Variants in SLC24A4 observed in about 807,000 individuals in gnomAD.
SLC24A4 encodes solute carrier family 24 member 4.
Under a neutral mutation model 79.0 loss-of-function variants are expected in SLC24A4, and 53 were observed. That is an observed-to-expected ratio of 0.67 (90% CI 0.54 to 0.84). The LOEUF is 0.84. Ranked by LOEUF, SLC24A4 falls within the 40% of genes least tolerant of loss-of-function variation. SLC24A4 has a pLI of 0.00. For missense variants in SLC24A4, 731 were observed against 822.0 expected, an observed-to-expected ratio of 0.89 and a Z score of 1.35; for synonymous variants, 323 against 323.8, an observed-to-expected ratio of 1.00 and a Z score of 0.03.
chr14:92,473,885 A>G (rs1471468326), intron 12 of SLC24A4, among the ~76,000 whole-genome samples: 2 of 152,176 alleles, frequency 1.3e-5, no homozygotes, highest in Non-Finnish European at 2.9e-5. Flanking sequence ...CAGGAGCACA[A>G]ATGTGCCTGG....
chr14:92,397,941 C>T lies in SLC24A4; in HGVS notation c.242-35971C>T, dbSNP rs138082718. 7.6e-4 allele frequency among the ~76,000 whole-genome samples: 116 copies of T among 152,258 alleles called. 3 individuals carry two copies. The South Asian group carries it at 0.011, about 15-fold the overall frequency. Reference sequence around the variant, plus strand: ...AAATCAGTCCTGAATTACATGGGTCCGCAGGAGCCTAGCCTGACCCCTCCC... The same window carrying T: ...AAATCAGTCCTGAATTACATGGGTCTGCAGGAGCCTAGCCTGACCCCTCCC... On this transcript the variant is annotated intron_variant, in intron 2 of 16. Transcript: ENST00000532405.
intron 3 of SLC24A4, among the ~76,000 whole-genome samples, chr14:92,435,013 A>C (rs1380470633): frequency 6.6e-6 from 1 of 152,108 alleles, no homozygotes; most frequent in Non-Finnish European, 1.5e-5. Flanking sequence ...ACCTCAGGTG[A>C]TCCACCTGCC....
At chr14:92,483,960 GT>G (rs950985008) in intron 13 of SLC24A4, 1 of 985,258 alleles carries the variant, frequency 1.0e-6, no homozygotes, top group African/African-American at 1.7e-5. Context: ...AAACCGTGTC[GT>G]TTGGTGGGGA....
At chr14:92,327,477 G>T (rs981180501) in intron 2 of SLC24A4, among the ~76,000 whole-genome samples, 1 of 152,248 alleles carries the variant, frequency 6.6e-6, no homozygotes, top group Non-Finnish European at 1.5e-5. Context: ...GGCCAAGGAT[G>T]GTTAATGCTG....
chr14:92,328,323 G>T (rs1885267598), intron 2 of SLC24A4, among the ~76,000 whole-genome samples: 1 of 152,214 alleles, frequency 6.6e-6, no homozygotes, highest in Non-Finnish European at 1.5e-5. Context: ...TCATTGAGTA[G>T]CTTATACTAG....
rs529353643 is a variant in SLC24A4 at position 92,352,980 on chromosome 14, C to T, written c.241+27002C>T. 3.3e-5 allele frequency among the ~76,000 whole-genome samples: 5 copies of T among 152,230 alleles called. No individual in the cohort carries two copies. In the South Asian group the frequency reaches 6.2e-4, roughly 19 times the overall value. ...TGGAGAGTAACTGTGCAGTTCAGTACGGGGCATTTAAAAACTTAAAGTCTT... is the reference window on the plus strand; with the variant it reads ...TGGAGAGTAACTGTGCAGTTCAGTATGGGGCATTTAAAAACTTAAAGTCTT... On this transcript the variant is annotated intron_variant, in intron 2 of 16. Transcript: ENST00000532405.
chr14:92,376,336 C>G (rs929329699), intron 2 of SLC24A4, among the ~76,000 whole-genome samples: 1 of 152,218 alleles, frequency 6.6e-6, no homozygotes, highest in Non-Finnish European at 1.5e-5. Flanking sequence ...ACTCTAGTAG[C>G]CTCTTCTGCA....
In SLC24A4 at chr14:92,490,038, T is replaced by C. The variant is rs1595365200; in HGVS notation, c.1538-1627T>C. ...GCCTGGGGCAGGCTGGGAGGAGGAG[T>C]GTAAGGGGCCAACAGATGACAGCAA... On this transcript the variant is annotated intron_variant, in intron 14 of 16. Transcript: ENST00000532405. The surrounding 1 kb of genome is among the most constrained non-coding windows in gnomAD (Gnocchi z 4.3). Among the ~76,000 whole-genome samples the C allele has an allele frequency of 6.7e-6, 1 of 149,836 alleles. No individual in the cohort carries two copies. Among genetic ancestry groups the C allele is most frequent in the African/African-American group, 2.5e-5 (1 of 40,524 alleles).
chr14:92,329,209 C>T (rs1885326196), intron 2 of SLC24A4, among the ~76,000 whole-genome samples: 1 of 152,262 alleles, frequency 6.6e-6, no homozygotes, highest in African/African-American at 2.4e-5. Context: ...AGAGCTCCCT[C>T]CTGTGCTAAG....
chr14:92,487,774 G>A (rs1895451493), intron 14 of SLC24A4, among the ~76,000 whole-genome samples: 1 of 152,204 alleles, frequency 6.6e-6, no homozygotes, highest in African/African-American at 2.4e-5. Flanking sequence ...AGCTCTGGCA[G>A]CTAAAAGTCT....
intron 2 of SLC24A4, among the ~76,000 whole-genome samples, chr14:92,334,319 A>G (rs1415083562): frequency 2.0e-5 from 3 of 152,128 alleles, no homozygotes; most frequent in Non-Finnish European, 4.4e-5. Context: ...TCTTGGGGAA[A>G]CTGTCACCAA....
chr14:92,323,253 G>A lies in SLC24A4; in HGVS notation c.-578G>A, dbSNP rs1419209485. 1 of 152,128 alleles carries A rather than the reference G, an allele frequency of 6.6e-6. No homozygotes were observed. The highest frequency in any genetic ancestry group is 1.5e-5 in the Non-Finnish European group (1 of 68,016). The allele number at this position is 152,128 out of a possible 1,614,324, so 9.4% of individuals were successfully genotyped here. A position where few individuals can be genotyped will look rare whatever the true frequency, so the allele number is the denominator to read the frequency against. On this transcript the variant is annotated 5_prime_UTR_variant, in exon 1 of 17. Transcript: ENST00000532405. The surrounding 1 kb of genome is among the most constrained non-coding windows in gnomAD (Gnocchi z 4.9). The stretch of plus-strand genomic sequence containing the variant: ...AGGGCCGACGTCGAGCCTGCTCGCC[G>A]CGAGGGTCTCAGGTACCGCGCGTCC...
At chr14:92,365,936 G>T (rs1005337992) in intron 2 of SLC24A4, among the ~76,000 whole-genome samples, 2 of 152,204 alleles carry the variant, frequency 1.3e-5, no homozygotes, top group Non-Finnish European at 2.9e-5. Flanking sequence ...CGTGTACTAA[G>T]CATCTGCCAT....
At chr14:92,358,324 C>T (rs926551499) in intron 2 of SLC24A4, among the ~76,000 whole-genome samples, 1 of 152,124 alleles carries the variant, frequency 6.6e-6, no homozygotes, top group East Asian at 1.9e-4. Context: ...ATTACGTTGA[C>T]CCTGGGCAGT....
intron 2 of SLC24A4, among the ~76,000 whole-genome samples, chr14:92,413,461 T>C (rs1385715125): frequency 6.6e-6 from 1 of 152,228 alleles, no homozygotes; most frequent in South Asian, 2.1e-4. Context: ...TCATCTTTGC[T>C]GAGTTAGAAA....
At chr14:92,356,735 A>G (rs570303369) in intron 2 of SLC24A4, among the ~76,000 whole-genome samples, 5 of 152,294 alleles carry the variant, frequency 3.3e-5, no homozygotes, top group South Asian at 2.1e-4. Context: ...GTGGGCCCCT[A>G]TGGACACACA....
At position 92,442,696 on chromosome 14, in the gene SLC24A4, G is replaced by C; in HGVS notation, c.479-17G>C. The C allele has an allele frequency of 6.3e-7, 1 of 1,584,444 alleles. No individual in the cohort carries two copies. The highest frequency in any genetic ancestry group is 8.7e-7 in the Non-Finnish European group (1 of 1,153,188). On this transcript the variant is annotated splice_polypyrimidine_tract_variant and intron_variant, in intron 5 of 16. Transcript: ENST00000532405. ...GACGTGTGGCTGAGGCCCAGGGTCT[G>C]TGTGTTTCCTTTCCAGGGGTGTTCA... is the stretch of plus-strand genomic sequence containing the variant.
At chr14:92,412,338 C>T (rs1443841027) in intron 2 of SLC24A4, among the ~76,000 whole-genome samples, 1 of 152,196 alleles carries the variant, frequency 6.6e-6, no homozygotes, top group Admixed American at 6.5e-5. Context: ...GGACCAGCCC[C>T]ACCCAAATCA....
intron 2 of SLC24A4, chr14:92,408,387 C>T: frequency 8.1e-6 from 8 of 985,340 alleles, no homozygotes; most frequent in South Asian, 4.7e-5. Context: ...GCAATAAGTG[C>T]CTGTGTGTTG....
Sources: gnomAD v4.1 joint callset for allele counts (sites outside exome capture counted in the v4.1 genomes callset) on GRCh38, gnomAD v4.1.1 for gene constraint, Gnocchi (gnomAD v3.1) non-coding constraint, MANE v1.5 for transcripts, NCBI Gene and HGNC (gene_info 2026-07-23, HGNC 2026-07-21) for gene names.